Variants in PDE8B observed in about 807,000 individuals in gnomAD.
PDE8B encodes the protein phosphodiesterase 8B, also known as high affinity cAMP-specific and IBMX-insensitive 3',5'-cyclic phosphodiesterase 8B.
A neutral mutation model predicts 101.3 loss-of-function variants in PDE8B; 26 were observed. That is an observed-to-expected ratio of 0.26 (90% CI 0.19 to 0.36). The LOEUF (loss-of-function observed/expected upper bound fraction) is 0.36. Among genes scored for constraint, PDE8B ranks in the 10% least tolerant of loss-of-function variants. The pLI is 1.00. For synonymous variants in PDE8B, 424 were observed against 429.3 expected, an observed-to-expected ratio of 0.99 and a Z score of 0.15; for missense variants, 810 against 1,163.1, an observed-to-expected ratio of 0.70 and a Z score of 4.42.
intron 6 of PDE8B, among the ~76,000 whole-genome samples, chr5:77,340,357 C>T (rs773103717): frequency 1.3e-5 from 2 of 152,132 alleles, no homozygotes; most frequent in African/African-American, 2.4e-5. Flanking sequence ...ATGGGCTCTG[C>T]GTGATAGCCA....
chr5:77,412,369 G>C, intron 16 of PDE8B, 134 bp downstream of exon 16: 1 of 853,736 alleles, frequency 1.2e-6, no homozygotes, highest in Non-Finnish European at 1.9e-6. Context: ...CCATGTTAGA[G>C]TAGTGTTGAA....
the PDE8B span, among the ~76,000 whole-genome samples, chr5:77,186,430 A>G: frequency 6.6e-6 from 1 of 152,198 alleles, no homozygotes; most frequent in African/African-American, 2.4e-5. Context: ...AGTTTTTCTA[A>G]GAGGCACCCT....
At chr5:77,111,446 G>C in the PDE8B span, among the ~76,000 whole-genome samples, 1 of 152,164 alleles carries the variant, frequency 6.6e-6, no homozygotes, top group African/African-American at 2.4e-5. Flanking sequence ...AAATGGAGGT[G>C]AGGTATTTTC....
intron 19 of PDE8B, 85 bp downstream of exon 19, chr5:77,419,972 A>G (rs1561690874): frequency 6.8e-7 from 1 of 1,476,566 alleles, no homozygotes; most frequent in African/African-American, 1.4e-5. Flanking sequence ...TTTCTCTCCC[A>G]CTCAAATGTA....
At chr5:77,385,485 G>T (rs1788365860) in intron 10 of PDE8B, among the ~76,000 whole-genome samples, 2 of 146,074 alleles carry the variant, frequency 1.4e-5, no homozygotes, top group Admixed American at 6.8e-5. Flanking sequence ...CTTCAATTCT[G>T]CTCTGATCTT....
intron 10 of PDE8B, among the ~76,000 whole-genome samples, chr5:77,385,866 G>A (rs1480294889): frequency 1.5e-5 from 2 of 134,762 alleles, no homozygotes; most frequent in East Asian, 4.5e-4. Context: ...TCAGCTCACT[G>A]CAACCTCCGC....
At chr5:77,416,714 C>G (rs1343937994) in intron 17 of PDE8B, among the ~76,000 whole-genome samples, 1 of 152,204 alleles carries the variant, frequency 6.6e-6, no homozygotes, top group Non-Finnish European at 1.5e-5. Context: ...TAAACCAGCA[C>G]AAGCAAGTGC....
chr5:77,124,919 A>G, the PDE8B span, among the ~76,000 whole-genome samples: 12 of 152,160 alleles, frequency 7.9e-5, no homozygotes, highest in Non-Finnish European at 1.2e-4. Context: ...AGGGAGAAAA[A>G]TGTTTGAAGA....
intron 1 of PDE8B, among the ~76,000 whole-genome samples, chr5:77,271,977 G>C (rs1261348681): frequency 6.6e-6 from 1 of 152,178 alleles, no homozygotes; most frequent in Non-Finnish European, 1.5e-5. Flanking sequence ...CCACCTGGGA[G>C]CCCATTAGAA....
At chr5:77,222,649 G>A (rs1402970270) in intron 1 of PDE8B, among the ~76,000 whole-genome samples, 3 of 152,250 alleles carry the variant, frequency 2.0e-5, no homozygotes, top group Admixed American at 6.5e-5. Context: ...CTATATTGTC[G>A]TCTTCTGTGG....
chr5:77,306,784 G>A (rs926438724), intron 1 of PDE8B, among the ~76,000 whole-genome samples: 5 of 152,194 alleles, frequency 3.3e-5, no homozygotes, highest in South Asian at 2.1e-4. Context: ...GATTTCTCTC[G>A]TGAGTTTGCC....
the PDE8B span, among the ~76,000 whole-genome samples, chr5:77,154,784 G>A: frequency 1.3e-5 from 2 of 152,202 alleles, no homozygotes; most frequent in African/African-American, 2.4e-5. Context: ...CTGAAAAGGG[G>A]AAAGTCCCAG....
chr5:77,358,346 C>G, intron 10 of PDE8B: 1 of 591,778 alleles, frequency 1.7e-6, no homozygotes, highest in Non-Finnish European at 2.1e-6. Context: ...TCTCTTCCCC[C>G]CAGGAAATCT....
At chr5:77,154,504 G>A in the PDE8B span, among the ~76,000 whole-genome samples, 3 of 152,186 alleles carry the variant, frequency 2.0e-5, 1 homozygote, top group African/African-American at 7.2e-5. Context: ...CAGGAGAATC[G>A]GTCATGAAAC....
At chr5:77,350,825 C>T (rs987672360) in intron 8 of PDE8B, among the ~76,000 whole-genome samples, 1 of 152,200 alleles carries the variant, frequency 6.6e-6, no homozygotes. Context: ...CAGAATTCCA[C>T]CCACAGGTCA....
At chr5:77,345,423 G>T (rs1483579630) in intron 7 of PDE8B, among the ~76,000 whole-genome samples, 1 of 152,180 alleles carries the variant, frequency 6.6e-6, no homozygotes, top group Non-Finnish European at 1.5e-5. Context: ...GCCTCCCAAA[G>T]TGCTGGGATT....
chr5:77,176,582 G>T, the PDE8B span, among the ~76,000 whole-genome samples: 1 of 152,176 alleles, frequency 6.6e-6, no homozygotes, highest in African/African-American at 2.4e-5. Flanking sequence ...ACTCGCCCAG[G>T]TTAGTCCAGA....
At chr5:77,370,811 C>G (rs1784958247) in intron 10 of PDE8B, among the ~76,000 whole-genome samples, 1 of 152,176 alleles carries the variant, frequency 6.6e-6, no homozygotes, top group African/African-American at 2.4e-5. Context: ...CACATCCTTG[C>G]CAACAGTTGG....
the PDE8B span, among the ~76,000 whole-genome samples, chr5:77,117,135 C>A: frequency 6.6e-6 from 1 of 152,190 alleles, no homozygotes; most frequent in Admixed American, 6.5e-5. Context: ...TGCCTCTGAA[C>A]CCTCTAGGCC....
Sources: allele counts gnomAD v4.1 joint callset (sites outside exome capture counted in the v4.1 genomes callset), GRCh38; gene constraint gnomAD v4.1.1; transcripts MANE v1.5; gene names NCBI Gene and HGNC (gene_info 2026-07-23, HGNC 2026-07-21).